DLGAP2: variants seen among roughly 807,000 people sequenced by gnomAD.
DLGAP2 encodes the protein DLG associated protein 2.
Under a neutral mutation model 100.3 loss-of-function variants are expected in DLGAP2, and 26 were observed. The ratio of observed to expected loss-of-function variants is 0.26; its 90% CI spans 0.19 to 0.36. The LOEUF (loss-of-function observed/expected upper bound fraction) is 0.36, where lower values mean the gene tolerates loss of function less well. Ranked by LOEUF, DLGAP2 falls within the 10% of genes least tolerant of loss-of-function variation. The pLI, the probability that DLGAP2 is intolerant of heterozygous loss-of-function variation, is 1.00. For synonymous variants in DLGAP2, 886 were observed against 630.1 expected, an observed-to-expected ratio of 1.41 and a Z score of -6.08; for missense variants, 1,858 against 1,453.2, an observed-to-expected ratio of 1.28 and a Z score of -4.53.
chr8:1,695,332 GCCCGGC>G (rs1310652526), intron 13 of DLGAP2, among the ~76,000 whole-genome samples: 2 of 136,860 alleles, frequency 1.5e-5, no homozygotes, highest in African/African-American at 6.1e-5. Flanking sequence ...GCACAGCCAT[GCCCGGC>G]CCTACAGAAA....
intron 3 of DLGAP2, among the ~76,000 whole-genome samples, chr8:1,424,205 G>A (rs1353257573): frequency 6.6e-6 from 1 of 152,232 alleles, no homozygotes; most frequent in South Asian, 2.1e-4. Flanking sequence ...TAGAAATTCA[G>A]CTAGTCTTAA....
At chr8:868,534 T>A (rs1244467582) in intron 1 of DLGAP2, among the ~76,000 whole-genome samples, 1 of 152,232 alleles carries the variant, frequency 6.6e-6, no homozygotes, top group Non-Finnish European at 1.5e-5. Flanking sequence ...CAGTCTCAAG[T>A]GACCGGAGAC....
chr8:1,430,316 C>A (rs1033904578), intron 3 of DLGAP2, among the ~76,000 whole-genome samples: 4 of 151,976 alleles, frequency 2.6e-5, no homozygotes, highest in African/African-American at 7.2e-5. Context: ...CAGATTAAAT[C>A]TTTAGTGGCT....
At chr8:1,539,422 T>C (rs1801275514) in intron 4 of DLGAP2, among the ~76,000 whole-genome samples, 1 of 152,100 alleles carries the variant, frequency 6.6e-6, no homozygotes, top group South Asian at 2.1e-4. Context: ...CGACTGTTCC[T>C]ATGATGGACG....
At chr8:1,336,341 G>T (rs1426423900) in intron 3 of DLGAP2, among the ~76,000 whole-genome samples, 4 of 152,228 alleles carry the variant, frequency 2.6e-5, no homozygotes, top group Non-Finnish European at 2.9e-5. Context: ...AGGGAGAGGG[G>T]TGGTGAGAGA....
intron 6 of DLGAP2, among the ~76,000 whole-genome samples, chr8:1,582,316 A>T (rs867790753): frequency 0.087 from 11,226 of 128,814 alleles, 1,382 homozygotes; most frequent in African/African-American, 0.22. Flanking sequence ...AAAACCTTAA[A>T]AAAAAAAAAA....
At chr8:1,037,658 C>G (rs903379755) in intron 2 of DLGAP2, among the ~76,000 whole-genome samples, 8 of 152,234 alleles carry the variant, frequency 5.3e-5, no homozygotes, top group Non-Finnish European at 4.4e-5. Context: ...TGAGCAGTGG[C>G]TCTGCCCTTG....
At chr8:1,502,590 A>G (rs1275790416) in intron 4 of DLGAP2, among the ~76,000 whole-genome samples, 1 of 152,154 alleles carries the variant, frequency 6.6e-6, no homozygotes, top group Non-Finnish European at 1.5e-5. Flanking sequence ...AAGTATTTCG[A>G]CTTCTCATTA....
At chr8:1,598,599 G>A (rs896264252) in intron 6 of DLGAP2, among the ~76,000 whole-genome samples, 1 of 152,130 alleles carries the variant, frequency 6.6e-6, no homozygotes, top group Non-Finnish European at 1.5e-5. Flanking sequence ...TTGGGAGGGT[G>A]TATGTTTCCA....
intron 4 of DLGAP2, among the ~76,000 whole-genome samples, chr8:1,535,817 G>A (rs1466362096): frequency 1.3e-5 from 2 of 152,144 alleles, no homozygotes; most frequent in Non-Finnish European, 2.9e-5. Context: ...GGGCATTGAA[G>A]GCAGACAGTG....
At chr8:995,169 C>T (rs1020567235) in intron 2 of DLGAP2, among the ~76,000 whole-genome samples, 6 of 152,074 alleles carry the variant, frequency 3.9e-5, no homozygotes, top group South Asian at 2.1e-4. Flanking sequence ...CACATTTTTT[C>T]ACATTATACT....
intron 3 of DLGAP2, among the ~76,000 whole-genome samples, chr8:1,429,682 G>A (rs1330573273): frequency 2.0e-5 from 3 of 151,856 alleles, no homozygotes; most frequent in Non-Finnish European, 2.9e-5. Context: ...CAGCAGGGAT[G>A]AGCCTGCAGC....
intron 1 of DLGAP2, among the ~76,000 whole-genome samples, chr8:865,606 A>G (rs1203790347): frequency 1.3e-5 from 2 of 152,134 alleles, no homozygotes; most frequent in South Asian, 2.1e-4. Flanking sequence ...TCTCCAGCAT[A>G]TGCACTTCCG....
At chr8:1,031,983 G>C (rs934631267) in intron 2 of DLGAP2, among the ~76,000 whole-genome samples, 7 of 152,158 alleles carry the variant, frequency 4.6e-5, no homozygotes, top group African/African-American at 1.7e-4. Flanking sequence ...AATCCCCAGG[G>C]GTGTTTCCCG....
intron 3 of DLGAP2, among the ~76,000 whole-genome samples, chr8:1,340,287 G>C (rs1419004291): frequency 2.6e-5 from 4 of 152,192 alleles, no homozygotes; most frequent in Non-Finnish European, 5.9e-5. Context: ...ACTAGCATCA[G>C]AGCAAACAGG....
At chr8:1,113,937 T>G (rs1381550319) in intron 2 of DLGAP2, among the ~76,000 whole-genome samples, 3 of 152,218 alleles carry the variant, frequency 2.0e-5, no homozygotes, top group African/African-American at 7.2e-5. Flanking sequence ...AAGCCTTTTC[T>G]GCATCTATTG....
In DLGAP2 at chr8:1,275,218, C is replaced by A. The variant is rs1317454361; in HGVS notation, c.106+16335C>A. ...CCCAATGTTAAGGGGAGGGAAAAAT[C>A]ATTCCTTTACGGTCACATGGTCCAG... On this transcript the variant is annotated intron_variant, in intron 3 of 14. Transcript: ENST00000637795. 1.3e-5 allele frequency among the ~76,000 whole-genome samples: 2 copies of A among 152,102 alleles called. 1 individual carries two copies. The highest frequency in any genetic ancestry group is 4.8e-5 in the African/African-American group (2 of 41,412).
rs75652714 is a variant in DLGAP2, at chr8:1,062,360, G to A, written c.73+154394G>A. On this transcript the variant is annotated intron_variant, in intron 2 of 14. Transcript: ENST00000637795. ...TGACTGGAGCCTCGGAGGCACACTC[G>A]GTCGTCTTGGCCTGCTTCTCTCGCA... is the stretch of plus-strand genomic sequence containing the variant. Among the ~76,000 whole-genome samples the A allele has an allele frequency of 1.1e-3, 174 of 152,334 alleles. 1 individual carries two copies. The highest frequency in any genetic ancestry group is 3.9e-3 in the African/African-American group (161 of 41,578).
intron 12 of DLGAP2, among the ~76,000 whole-genome samples, chr8:1,690,703 CA>C (rs71190752): frequency 0.034 from 2,084 of 61,964 alleles, 13 homozygotes; most frequent in Middle Eastern, 0.06. Context: ...GACCCTATCT[CA>C]AAAAAAAAAA....
Sources: gnomAD v4.1 joint callset for allele counts (sites outside exome capture counted in the v4.1 genomes callset) on GRCh38, gnomAD v4.1.1 for gene constraint, MANE v1.5 for transcripts, NCBI Gene and HGNC (gene_info 2026-07-23, HGNC 2026-07-21) for gene names.